The following TBC1D10A variants were observed in gnomAD, a reference collection of about 807,000 sequenced individuals.
TBC1D10A encodes the protein TBC1 domain family member 10A.
A neutral mutation model predicts 52.9 loss-of-function variants in TBC1D10A; 24 were observed. The observed-to-expected ratio is 0.45, with a 90% CI of 0.33 to 0.64. The LOEUF (loss-of-function observed/expected upper bound fraction) is 0.64, where lower values mean the gene tolerates loss of function less well. Among genes scored for constraint, TBC1D10A ranks in the 30% least tolerant of loss-of-function variants. The pLI, the probability that TBC1D10A is intolerant of heterozygous loss-of-function variation, is 0.02. For missense variants in TBC1D10A, 602 were observed against 687.9 expected, an observed-to-expected ratio of 0.88 and a Z score of 1.40; for synonymous variants, 278 against 282.9, an observed-to-expected ratio of 0.98 and a Z score of 0.17.
At chr22:30,302,113 G>A (rs185175487) in intron 2 of TBC1D10A, among the ~76,000 whole-genome samples, 46 of 152,366 alleles carry the variant, frequency 3.0e-4, no homozygotes, top group African/African-American at 9.1e-4. Flanking sequence ...TGGGAGTACA[G>A]CCAGCCTTTC....
chr22:30,295,179 G>A, intron 4 of TBC1D10A, 124 bp from the exon 5 acceptor site: 2 of 912,218 alleles, frequency 2.2e-6, no homozygotes, highest in Non-Finnish European at 1.7e-6. Context: ...AAGGTGATCT[G>A]CTTGTGGTCA....
chr22:30,297,576 G>C lies in TBC1D10A; in HGVS notation c.418-1733C>G, dbSNP rs1223326995. On this transcript the variant is annotated intron_variant, in intron 3 of 8. Transcript: ENST00000215790. This position sits in a 1 kb window ranked among gnomAD's most constrained non-coding sequence, Gnocchi z 4.3. The stretch of plus-strand genomic sequence containing the variant: ...GTCATGGGGCCTGTAGCCTCCACCA[G>C]CCTGAGGGGTACTGGCGCCATCATA... 1 of 152,220 alleles carries C rather than the reference G, an allele frequency of 6.6e-6. No homozygotes were observed. Among genetic ancestry groups the C allele is most frequent in the Non-Finnish European group, 1.5e-5 (1 of 68,036 alleles). 9.4% of individuals were successfully genotyped at this position (152,220 alleles called of 1,614,324 possible). A position where few individuals can be genotyped will look rare whatever the true frequency, so the allele number is the denominator to read the frequency against.
At chr22:30,302,546 A>G (rs1464239476) in intron 2 of TBC1D10A, among the ~76,000 whole-genome samples, 1 of 152,152 alleles carries the variant, frequency 6.6e-6, no homozygotes, top group East Asian at 1.9e-4. Context: ...CCAGAGGGAG[A>G]ACTCAAGCCT....
At chr22:30,303,049 C>T (rs999317953) in intron 2 of TBC1D10A, among the ~76,000 whole-genome samples, 1 of 152,186 alleles carries the variant, frequency 6.6e-6, no homozygotes, top group Non-Finnish European at 1.5e-5. Flanking sequence ...GGGAGGCCAA[C>T]GCACATGGAT....
intron 1 of TBC1D10A, among the ~76,000 whole-genome samples, chr22:30,314,404 G>A (rs1930490320): frequency 1.3e-5 from 2 of 152,242 alleles, no homozygotes; most frequent in African/African-American, 4.8e-5. Context: ...ACGAGGTGAT[G>A]TAGGTGAAAG....
intron 3 of TBC1D10A, chr22:30,298,840 C>A (rs529197484): frequency 6.5e-6 from 1 of 152,800 alleles, no homozygotes; most frequent in East Asian, 1.9e-4. Context: ...AGAGGGCACC[C>A]TCTCTGGCCA....
rs771665089 is a variant in TBC1D10A at position 30,292,561 on chromosome 22, C to G, written c.1341G>C (p.Lys447Asn). 6.2e-7 allele frequency: 1 copy of G among 1,613,710 alleles called. No homozygotes were observed. Among genetic ancestry groups the G allele is most frequent in the Non-Finnish European group, 8.5e-7 (1 of 1,179,912 alleles). ...CCATGGCTTGATTTGGGGCTGGGGG[C>G]TTCTCCAGCTGCCCTCTCCCCTTCA... Reference protein sequence around the residue: ...KQMKGRGQLEKPPAPNQAMVV... With the variant: ...KQMKGRGQLENPPAPNQAMVV... Residue 447 changes from lysine to asparagine, a missense_variant, in exon 9 of 9, where the codon AAG (lysine) becomes AAC (asparagine). This residue lies in a region of TBC1D10A where 265 missense variants were observed against 275.1 expected (regional missense o/e 0.96). Coordinates refer to ENST00000215790, the MANE Select transcript of TBC1D10A (RefSeq NM_031937.3).
chr22:30,296,364 A>T (rs929454), intron 3 of TBC1D10A: 134,615 of 153,804 alleles, frequency 0.88, 59,269 homozygotes, highest in African/African-American at 0.97. Flanking sequence ...CAAGGTATTT[A>T]ACTCTGGCTA....
intron 1 of TBC1D10A, among the ~76,000 whole-genome samples, chr22:30,319,938 C>CGACTGAGGAAGAGAAAGG (rs1930618481): frequency 6.6e-6 from 1 of 152,174 alleles, no homozygotes; most frequent in East Asian, 1.9e-4. Context: ...TCAATTACCT[C>CGACTGAGGAAGAGAAAGG]GACTGAGGAA....
chr22:30,312,955 A>T (rs905435594), intron 1 of TBC1D10A, among the ~76,000 whole-genome samples: 4 of 152,234 alleles, frequency 2.6e-5, no homozygotes, highest in African/African-American at 9.6e-5. Flanking sequence ...CACACAGAGA[A>T]GAAGTGCCAT....
At chr22:30,326,464 G>A (rs1930776215) in intron 1 of TBC1D10A, among the ~76,000 whole-genome samples, 3 of 139,590 alleles carry the variant, frequency 2.1e-5, no homozygotes, top group Non-Finnish European at 3.1e-5. Flanking sequence ...GGAGGTGTGG[G>A]CCCGTCCGCC....
At chr22:30,308,320 CTGCA>C (rs201926261) in intron 1 of TBC1D10A, among the ~76,000 whole-genome samples, 2,142 of 142,950 alleles carry the variant, frequency 0.015, 54 homozygotes, top group African/African-American at 0.05. Context: ...GCCTGCATGC[CTGCA>C]TGCCTGCATG....
chr22:30,292,298 G>A lies in TBC1D10A; in HGVS notation c.*77C>T. On this transcript the variant is annotated 3_prime_UTR_variant, in exon 9 of 9. Transcript: ENST00000215790. ...CCAGGCAGCTTGGCCCTCAGAGGGT[G>A]GGCAGGATGTGGAATGTCAGTTCAT... 7.5e-7 allele frequency: 1 copy of A among 1,339,068 alleles called. No individual in the cohort carries two copies. The highest frequency in any genetic ancestry group is 1.5e-5 in the African/African-American group (1 of 67,606). 82.9% of individuals were successfully genotyped at this position (1,339,068 alleles called of 1,614,324 possible). A position where few individuals can be genotyped will look rare whatever the true frequency, so the allele number is the denominator to read the frequency against.
intron 1 of TBC1D10A, among the ~76,000 whole-genome samples, chr22:30,309,284 T>C (rs1048688008): frequency 7.9e-5 from 12 of 151,888 alleles, no homozygotes; most frequent in Non-Finnish European, 1.6e-4. Context: ...TCGCCCAGGC[T>C]GGAGTGCAGT....
chr22:30,325,338 G>A lies in TBC1D10A; in HGVS notation c.209+1335C>T, dbSNP rs114573530. On this transcript the variant is annotated intron_variant, in intron 1 of 8. Coordinates refer to ENST00000215790, the MANE Select transcript of TBC1D10A (RefSeq NM_031937.3). Reference sequence around the variant, plus strand: ...AGGCTTTAGGGCTGGGGAAAATCCCGGAAGTGACAGGGGTTCTTAGACAGT... The same window carrying A: ...AGGCTTTAGGGCTGGGGAAAATCCCAGAAGTGACAGGGGTTCTTAGACAGT... 2.3e-3 allele frequency among the ~76,000 whole-genome samples: 350 copies of A among 152,336 alleles called. 3 individuals carry two copies. Among genetic ancestry groups the A allele is most frequent in the African/African-American group, 8.0e-3 (334 of 41,562 alleles).
At position 30,292,700 on chromosome 22, in the gene TBC1D10A, C is replaced by G. The variant is rs201381661; in HGVS notation, c.1202G>C (p.Arg401Pro). The G allele has an allele frequency of 6.2e-7, 1 of 1,607,800 alleles. No individual in the cohort carries two copies. The highest frequency in any genetic ancestry group is 2.2e-5 in the East Asian group (1 of 44,770). The change falls in exon 9 of 9, where the codon CGG becomes CCG. Residue 401 changes from arginine (R) to proline (P), a missense_variant. This residue lies in a region of TBC1D10A where 265 missense variants were observed against 275.1 expected (regional missense o/e 0.96). Coordinates refer to ENST00000215790, the MANE Select transcript of TBC1D10A (RefSeq NM_031937.3). ...KAILDAEPGP[R>P]PALQPSPSIR... ...GGATGGTGAAGGTTGTAGGGCAGGC[C>G]GGGGACCAGGTTCTGCATCCAAGAT...
At chr22:30,302,872 T>G (rs984181511) in intron 2 of TBC1D10A, among the ~76,000 whole-genome samples, 1 of 152,162 alleles carries the variant, frequency 6.6e-6, no homozygotes, top group Admixed American at 6.5e-5. Context: ...CATAACAGAT[T>G]GCTGGAGAGC....
At chr22:30,293,589 CT>C in intron 8 of TBC1D10A, 61 bp downstream of exon 8, 1 of 1,563,776 alleles carries the variant, frequency 6.4e-7, no homozygotes, top group Non-Finnish European at 8.7e-7. Context: ...GCGGGACCCC[CT>C]TCAAAGGACC....
Position 30,292,493 on chromosome 22 carries a change from G to T in TBC1D10A, c.1409C>A (p.Pro470His). The T allele has an allele frequency of 1.2e-6, 2 of 1,608,540 alleles. No homozygotes were observed. Among genetic ancestry groups the T allele is most frequent in the South Asian group, 2.2e-5 (2 of 90,220 alleles). Residue 470 changes from proline (P) to histidine (H), a missense_variant, in exon 9 of 9, where the codon CCC becomes CAC. This residue lies in a region of TBC1D10A where 265 missense variants were observed against 275.1 expected (regional missense o/e 0.96). Coordinates refer to ENST00000215790, the MANE Select transcript of TBC1D10A (RefSeq NM_031937.3). The part of the protein sequence containing the change: ...AGDACPPQHV[P>H]PKDSAPKDSA... ...GTCCTTGGGGGCTGAGTCCTTCGGG[G>T]GCACATGCTGTGGGGGACATGCATC...
Sources: allele counts gnomAD v4.1 joint callset (sites outside exome capture counted in the v4.1 genomes callset), GRCh38; gene constraint gnomAD v4.1.1; regional missense constraint gnomAD v4.1.1; non-coding constraint Gnocchi (gnomAD v3.1); transcripts MANE v1.5; gene names NCBI Gene and HGNC (gene_info 2026-07-23, HGNC 2026-07-21).